The following ESR1 variants were observed in gnomAD, a reference collection of about 807,000 sequenced individuals.
The protein encoded by ESR1 is estrogen receptor 1.
Under a neutral mutation model 52.7 loss-of-function variants are expected in ESR1, and 12 were observed. The observed-to-expected ratio is 0.23, with a 90% CI of 0.15 to 0.37. The LOEUF (loss-of-function observed/expected upper bound fraction) is 0.37. Among genes scored for constraint, ESR1 ranks in the 10% least tolerant of loss-of-function variants. The probability of loss-of-function intolerance (pLI) is 1.00; values close to 1 mark genes in which losing one functional copy is unlikely to be tolerated. For missense variants in ESR1, 584 were observed against 779.7 expected, an observed-to-expected ratio of 0.75 and a Z score of 2.99; for synonymous variants, 305 against 316.8, an observed-to-expected ratio of 0.96 and a Z score of 0.39.
At chr6:152,047,164 C>T (rs934202451) in intron 5 of ESR1, among the ~76,000 whole-genome samples, 1 of 152,014 alleles carries the variant, frequency 6.6e-6, no homozygotes, top group African/African-American at 2.4e-5. Flanking sequence ...GTAGAACATA[C>T]TACAGTTGGA....
chr6:151,674,106 C>T (rs922481243), intron 1 of ESR1, among the ~76,000 whole-genome samples: 4 of 151,898 alleles, frequency 2.6e-5, no homozygotes, highest in Non-Finnish European at 5.9e-5. Context: ...GGTTGTTTGC[C>T]GCACCCAACA....
chr6:151,808,542 G>A (rs1032971119), intron 1 of ESR1, among the ~76,000 whole-genome samples, 178 bp downstream of exon 1: 38 of 152,130 alleles, frequency 2.5e-4, no homozygotes, highest in Admixed American at 2.2e-3. Flanking sequence ...TGCAGCCCGC[G>A]CTGCGTTCAG....
At chr6:151,913,475 C>A (rs1161691080) in intron 3 of ESR1, among the ~76,000 whole-genome samples, 3 of 152,110 alleles carry the variant, frequency 2.0e-5, no homozygotes, top group African/African-American at 7.2e-5. Flanking sequence ...TTAAATGTCA[C>A]CCCATTTTGA....
At chr6:151,767,247 T>C (rs1785137191) in intron 2 of ESR1, among the ~76,000 whole-genome samples, 1 of 152,234 alleles carries the variant, frequency 6.6e-6, no homozygotes, top group African/African-American at 2.4e-5. Context: ...CTTTATTCTC[T>C]TGATTACTCA....
chr6:151,965,064 G>T (rs1386971450), intron 4 of ESR1, among the ~76,000 whole-genome samples: 1 of 152,120 alleles, frequency 6.6e-6, no homozygotes, highest in African/African-American at 2.4e-5. Context: ...TTCTTAGTAG[G>T]TGAACATTGT....
At chr6:152,067,779 A>G (rs1186048171) in intron 6 of ESR1, among the ~76,000 whole-genome samples, 1 of 152,178 alleles carries the variant, frequency 6.6e-6, no homozygotes, top group Non-Finnish European at 1.5e-5. Flanking sequence ...GTGAGCCAAG[A>G]TCGTGCCATT....
chr6:152,128,387 TG>T (rs2054256987), exon 7 of ESR1: 1 of 152,238 alleles, frequency 6.6e-6, no homozygotes, highest in South Asian at 2.1e-4. Context: ...AGTCTTTTAA[TG>T]GTAGGAATCA....
chr6:151,919,247 G>A (rs1484398605), intron 3 of ESR1, among the ~76,000 whole-genome samples: 4 of 152,154 alleles, frequency 2.6e-5, no homozygotes, highest in Non-Finnish European at 5.9e-5. Flanking sequence ...GATTGTTTTA[G>A]TTATTTAATT....
At chr6:151,767,348 T>C (rs1175622961) in intron 2 of ESR1, among the ~76,000 whole-genome samples, 1 of 152,222 alleles carries the variant, frequency 6.6e-6, no homozygotes, top group Non-Finnish European at 1.5e-5. Flanking sequence ...CTATTGCAGA[T>C]ATTCCCCACC....
chr6:151,674,107 G>A (rs769997600), intron 1 of ESR1, among the ~76,000 whole-genome samples: 11 of 151,966 alleles, frequency 7.2e-5, no homozygotes, highest in Non-Finnish European at 1.6e-4. Flanking sequence ...GTTGTTTGCC[G>A]CACCCAACAA....
At chr6:151,736,941 T>G (rs1347444496) in intron 2 of ESR1, among the ~76,000 whole-genome samples, 1 of 152,092 alleles carries the variant, frequency 6.6e-6, no homozygotes, top group Non-Finnish European at 1.5e-5. Flanking sequence ...AAGAGAAGAA[T>G]AGCATCAATT....
intron 6 of ESR1, among the ~76,000 whole-genome samples, chr6:152,062,587 G>A (rs1272475000): frequency 6.6e-6 from 1 of 152,156 alleles, no homozygotes; most frequent in African/African-American, 2.4e-5. Flanking sequence ...CCTGTACATT[G>A]TAGGGTCCAG....
intron 1 of ESR1, among the ~76,000 whole-genome samples, chr6:151,810,236 T>A (rs575800845): frequency 3.3e-5 from 5 of 152,176 alleles, no homozygotes; most frequent in Admixed American, 1.3e-4. Flanking sequence ...TTACATGATA[T>A]TCAAACACTC....
At chr6:151,875,407 G>A (rs1223308332) in intron 2 of ESR1, among the ~76,000 whole-genome samples, 1 of 152,180 alleles carries the variant, frequency 6.6e-6, no homozygotes, top group African/African-American at 2.4e-5. Context: ...GAAGTTGGGG[G>A]TGAGGGGAGC....
At chr6:151,669,192 G>GAGAGAGAGAGAGA (rs1562319604) in intron 1 of ESR1, among the ~76,000 whole-genome samples, 2 of 80,406 alleles carry the variant, frequency 2.5e-5, no homozygotes, top group African/African-American at 3.4e-5. Context: ...GAGAGAGATG[G>GAGAGAGAGAGAGA]GAATCCAGGG....
chr6:151,658,770 A>T (rs533510699), intron 1 of ESR1, among the ~76,000 whole-genome samples: 2 of 152,182 alleles, frequency 1.3e-5, no homozygotes, highest in Non-Finnish European at 2.9e-5. Flanking sequence ...ATCCCTCCAC[A>T]CACCTGAGGG....
At chr6:151,734,709 GCC>G (rs1782510489) in intron 2 of ESR1, among the ~76,000 whole-genome samples, 3 of 151,558 alleles carry the variant, frequency 2.0e-5, no homozygotes, top group Non-Finnish European at 4.4e-5. Flanking sequence ...TGCAGCCTCT[GCC>G]TCCTGGGTTC....
chr6:152,025,250 T>C (rs1367139901), intron 5 of ESR1, among the ~76,000 whole-genome samples: 12 of 149,730 alleles, frequency 8.0e-5, no homozygotes, highest in Non-Finnish European at 1.6e-4. Flanking sequence ...ATTACAAAAA[T>C]AGTTTGGAAG....
intron 5 of ESR1, among the ~76,000 whole-genome samples, chr6:152,044,128 T>C (rs3020359): frequency 0.42 from 64,089 of 151,978 alleles, 14,935 homozygotes; most frequent in African/African-American, 0.61. Flanking sequence ...CACATATGGT[T>C]AAAGGTATTA....
Sources: gnomAD v4.1 joint callset for allele counts (sites outside exome capture counted in the v4.1 genomes callset) on GRCh38, gnomAD v4.1.1 for gene constraint, MANE v1.5 for transcripts, NCBI Gene and HGNC (gene_info 2026-07-23, HGNC 2026-07-21) for gene names.